Variants in GPSM2 observed in about 807,000 individuals in gnomAD.
The protein encoded by GPSM2 is G protein signaling modulator 2, also known as G protein-signaling modulator 2.
GPSM2 carries 58 observed loss-of-function variants against 78.4 expected under a neutral mutation model. The ratio of observed to expected loss-of-function variants is 0.74; its 90% confidence interval spans 0.60 to 0.92. GPSM2 has a LOEUF of 0.92. Among genes scored for constraint, GPSM2 ranks in the 40% least tolerant of loss-of-function variants. GPSM2 has a pLI of 0.00. For synonymous variants in GPSM2, 224 were observed against 280.2 expected (o/e 0.80, Z 2.00); for missense variants, 700 against 815.5 (o/e 0.86, Z 1.73).
At chr1:108,908,695 A>G (rs1036689551) in intron 10 of GPSM2, among the ~76,000 whole-genome samples, 1 of 151,410 alleles carries the variant, frequency 6.6e-6, no homozygotes, top group Non-Finnish European at 1.5e-5. Context: ...GCACACACAC[A>G]CAGCCGACAG....
chr1:108,929,310 A>G (rs1237068406), intron 14 of GPSM2, among the ~76,000 whole-genome samples: 1 of 152,216 alleles, frequency 6.6e-6, no homozygotes, highest in Non-Finnish European at 1.5e-5. Flanking sequence ...ACATATTTCT[A>G]AAGATTTGTT....
At chr1:108,907,420 C>CA (rs371353754) in intron 10 of GPSM2, among the ~76,000 whole-genome samples, 2 of 152,272 alleles carry the variant, frequency 1.3e-5, no homozygotes, top group African/African-American at 4.8e-5. Context: ...GGGGGAAAGG[C>CA]ATCCTTGATT....
Position 108,930,890 on chromosome 1 carries a change from CAAA to C in GPSM2, c.*962_*964del, listed in dbSNP as rs367914389. On this transcript the variant is annotated 3_prime_UTR_variant, in exon 15 of 15. Coordinates refer to ENST00000264126, the MANE Select transcript of GPSM2 (RefSeq NM_013296.5). Reference sequence around the variant, plus strand: ...TGAGTGACAGAGCAAGACTCTGTCTCAAAAAAAAAAAAAACAGCAAGCATGCTG... The same window carrying C: ...TGAGTGACAGAGCAAGACTCTGTCTCAAAAAAAAAAACAGCAAGCATGCTG... The C allele has an allele frequency of 4.9e-3, 635 of 128,578 alleles. 8 individuals carry two copies. Among genetic ancestry groups the C allele is most frequent in the African/African-American group, 0.016 (580 of 37,196 alleles). 8.0% of individuals were successfully genotyped at this position (128,578 alleles called of 1,614,324 possible).
At chr1:108,924,393 GAC>G (rs1217907527) in intron 14 of GPSM2, 179 bp downstream of exon 14, 3 of 670,720 alleles carry the variant, frequency 4.5e-6, no homozygotes, top group East Asian at 5.5e-5. Context: ...AGGCATCGAG[GAC>G]ACACTTGATT....
At chr1:108,890,026 A>G (rs1647860891) in intron 2 of GPSM2, among the ~76,000 whole-genome samples, 1 of 152,116 alleles carries the variant, frequency 6.6e-6, no homozygotes, top group Non-Finnish European at 1.5e-5. Flanking sequence ...TGTTTAGCTA[A>G]TTCTACTCTA....
chr1:108,892,280 A>G (rs1170566525), intron 2 of GPSM2, among the ~76,000 whole-genome samples: 1 of 152,238 alleles, frequency 6.6e-6, no homozygotes, highest in African/African-American at 2.4e-5. Context: ...AAGATGTAGC[A>G]TCATGGTTTT....
intron 12 of GPSM2, among the ~76,000 whole-genome samples, chr1:108,921,105 C>A (rs1293797040): frequency 2.6e-5 from 4 of 152,114 alleles, no homozygotes; most frequent in Non-Finnish European, 4.4e-5. Flanking sequence ...CTAACCACAT[C>A]AAATCCACTG....
At chr1:108,877,755 TGG>T (rs1490203114) in intron 1 of GPSM2, 2 of 152,072 alleles carry the variant, frequency 1.3e-5, no homozygotes, top group Admixed American at 1.3e-4. Flanking sequence ...CCATAGAAAT[TGG>T]TAGTTGCTGC....
chr1:108,882,324 C>G (rs1665940006), intron 1 of GPSM2, among the ~76,000 whole-genome samples: 1 of 152,130 alleles, frequency 6.6e-6, no homozygotes, highest in South Asian at 2.1e-4. Flanking sequence ...TACCAAAATC[C>G]ATGGATGCTC....
chr1:108,918,470 A>T, intron 11 of GPSM2, 143 bp from the exon 12 acceptor site: 1 of 639,086 alleles, frequency 1.6e-6, no homozygotes, highest in Non-Finnish European at 2.8e-6. Flanking sequence ...ACTAAAAAGG[A>T]TATTTTTAAA....
In GPSM2 at chr1:108,930,149, T is replaced by A; in HGVS notation, c.*209T>A. The stretch of plus-strand genomic sequence containing the variant: ...TGGAGGGGTCCTGTAAGGTGCTTCA[T>A]CGTCTGTGATTACTGCTTGGGATGT... On this transcript the variant is annotated 3_prime_UTR_variant, in exon 15 of 15. Transcript: ENST00000264126. 1.8e-6 allele frequency: 1 copy of A among 557,866 alleles called. No individual in the cohort carries two copies. Among genetic ancestry groups the A allele is most frequent in the South Asian group, 2.4e-5 (1 of 40,970 alleles). 34.6% of individuals were successfully genotyped at this position (557,866 alleles called of 1,614,324 possible).
chr1:108,922,383 T>G, intron 12 of GPSM2, 34 bp from the exon 13 acceptor site: 3 of 1,479,210 alleles, frequency 2.0e-6, no homozygotes, highest in Non-Finnish European at 1.9e-6. Flanking sequence ...TACTGGAATA[T>G]TCAAATAAAC....
At position 108,898,038 on chromosome 1, in the gene GPSM2, A is replaced by G; in HGVS notation, c.494A>G (p.Gln165Arg). ...KGKSFGCPGPQDVGEFPEEVR... is the reference protein window; with the variant it reads ...KGKSFGCPGPRDVGEFPEEVR... ...AAAAGTTTTGGTTGCCCTGGTCCCC[A>G]GGATGTAGGAGAATTTCCAGAAGAA... The change falls in exon 5 of 15, where the codon CAG (glutamine) becomes CGG (arginine). Residue 165 changes from glutamine (Q) to arginine (R), a missense_variant. Coordinates refer to ENST00000264126, the MANE Select transcript of GPSM2 (RefSeq NM_013296.5). 11 of 1,614,082 alleles carry G rather than the reference A, an allele frequency of 6.8e-6. No individual in the cohort carries two copies. Among genetic ancestry groups the G allele is most frequent in the Admixed American group, 1.7e-5 (1 of 60,018 alleles).
rs918350135 is a variant in GPSM2 at position 108,897,764 on chromosome 1, A to T, written c.414+137A>T. Reference sequence around the variant, plus strand: ...AACATTTATAGACTAATAGAAGTAAAAGAAAAAAAATTTAATGGAGAAAAA... The same window carrying T: ...AACATTTATAGACTAATAGAAGTAATAGAAAAAAAATTTAATGGAGAAAAA... On this transcript the variant is annotated intron_variant, in intron 4 of 14. Transcript: ENST00000264126. The T allele has an allele frequency of 1.1e-5, 11 of 975,670 alleles. No individual in the cohort carries two copies. The Admixed American group carries it at 2.6e-4, about 23-fold the overall frequency. The allele number at this position is 975,670 out of a possible 1,614,324, so 60.4% of individuals were successfully genotyped here.
chr1:108,921,554 G>A (rs1650710753), intron 12 of GPSM2, among the ~76,000 whole-genome samples: 1 of 152,190 alleles, frequency 6.6e-6, no homozygotes, highest in Non-Finnish European at 1.5e-5. Flanking sequence ...ACTATTGCCA[G>A]TGCTCATCTT....
At chr1:108,927,431 T>C (rs1286441619) in intron 14 of GPSM2, among the ~76,000 whole-genome samples, 3 of 152,174 alleles carry the variant, frequency 2.0e-5, no homozygotes, top group Admixed American at 2.0e-4. Flanking sequence ...AGTACTGGCA[T>C]AAAAGACAGA....
At chr1:108,924,268 AT>A in intron 14 of GPSM2, 54 bp downstream of exon 14, 3 of 1,049,218 alleles carry the variant, frequency 2.9e-6, no homozygotes, top group Non-Finnish European at 4.5e-6. Flanking sequence ...CACTGAAAAC[AT>A]TGGTAGTGTT....
chr1:108,923,722 C>A (rs1650910728), intron 13 of GPSM2, among the ~76,000 whole-genome samples: 1 of 152,188 alleles, frequency 6.6e-6, no homozygotes, highest in South Asian at 2.1e-4. Flanking sequence ...CTTATAGTTA[C>A]ATTTTGAGTG....
At chr1:108,908,378 AAAAC>A (rs1358366524) in intron 10 of GPSM2, among the ~76,000 whole-genome samples, 3 of 145,012 alleles carry the variant, frequency 2.1e-5, no homozygotes, top group Non-Finnish European at 3.0e-5. Context: ...CTCAAAAACA[AAAAC>A]AAACAAAAAA....
Sources: gnomAD v4.1 joint callset for allele counts (sites outside exome capture counted in the v4.1 genomes callset) on GRCh38, gnomAD v4.1.1 for gene constraint, MANE v1.5 for transcripts, NCBI Gene and HGNC (gene_info 2026-07-23, HGNC 2026-07-21) for gene names.